Variants in NEGR1 observed in about 807,000 individuals in gnomAD.
NEGR1 encodes the protein neuronal growth regulator 1.
NEGR1 carries 10 observed loss-of-function variants against 40.9 expected under a neutral mutation model. The observed-to-expected ratio is 0.24, with a 90% CI of 0.15 to 0.42. The LOEUF is 0.42. Among genes scored for constraint, NEGR1 ranks in the 10% least tolerant of loss-of-function variants. NEGR1 has a pLI of 1.00. For synonymous variants in NEGR1, 185 were observed against 166.8 expected (o/e 1.11, Z -0.84); for missense variants, 352 against 438.9 (o/e 0.80, Z 1.77).
chr1:72,078,352 A>C (rs1647839295), intron 1 of NEGR1, among the ~76,000 whole-genome samples: 1 of 152,094 alleles, frequency 6.6e-6, no homozygotes, highest in Non-Finnish European at 1.5e-5. Flanking sequence ...CTGTCTTTCA[A>C]CCTTTTACCT....
At chr1:71,967,467 T>G (rs34355442) in intron 1 of NEGR1, among the ~76,000 whole-genome samples, 1 of 152,176 alleles carries the variant, frequency 6.6e-6, no homozygotes. Flanking sequence ...AGCTTGAATT[T>G]TAAAGAATAT....
intron 2 of NEGR1, among the ~76,000 whole-genome samples, chr1:71,777,238 G>T (rs2101719425): frequency 6.6e-6 from 1 of 152,164 alleles, no homozygotes; most frequent in South Asian, 2.1e-4. Flanking sequence ...ATTTATCTCA[G>T]CCTCAGTGTC....
At chr1:71,707,964 G>GC (rs1402991297) in intron 3 of NEGR1, among the ~76,000 whole-genome samples, 1 of 152,132 alleles carries the variant, frequency 6.6e-6, no homozygotes, top group Non-Finnish European at 1.5e-5. Context: ...TGCCCGTAAA[G>GC]CAGGAATAGC....
At chr1:71,476,187 T>G (rs1646819017) in intron 6 of NEGR1, among the ~76,000 whole-genome samples, 1 of 152,234 alleles carries the variant, frequency 6.6e-6, no homozygotes, top group South Asian at 2.1e-4. Context: ...AAAGAAAATA[T>G]GAGTTATCTG....
intron 3 of NEGR1, among the ~76,000 whole-genome samples, chr1:71,768,214 T>G (rs1656196526): frequency 1.3e-5 from 2 of 152,224 alleles, no homozygotes; most frequent in South Asian, 2.1e-4. Context: ...GCTTGTACCC[T>G]ACACCTGGAA....
rs565860149 is a variant in NEGR1 at position 72,020,545 on chromosome 1, G to GA, written c.177-85235dup. Among the ~76,000 whole-genome samples the GA allele has an allele frequency of 2.8e-4, 42 of 151,652 alleles. No individual in the cohort carries two copies. In the East Asian group the frequency reaches 6.0e-3, roughly 22 times the overall value. On this transcript the variant is annotated intron_variant, in intron 1 of 6. Coordinates refer to ENST00000357731, the MANE Select transcript of NEGR1 (RefSeq NM_173808.3). Reference sequence around the variant, plus strand: ...CAGATCAGCCTTATGCTATTTACAAGAAAAAAAACCTGAAATACAAGAACG... The same window carrying GA: ...CAGATCAGCCTTATGCTATTTACAAGAAAAAAAAACCTGAAATACAAGAACG...
rs554215269 is a variant in NEGR1, at chr1:72,055,417, G to A, written c.177-120106C>T. ...ATCTATCTGCACTGTGATTTACAAT[G>A]CTGCTTAACTTGATCTAGAATTTAC... On this transcript the variant is annotated intron_variant, in intron 1 of 6. Transcript: ENST00000357731. Among the ~76,000 whole-genome samples, 16 of 151,214 alleles carry A rather than the reference G, an allele frequency of 1.1e-4. No homozygotes were observed. The South Asian group carries it at 3.3e-3, about 31-fold the overall frequency.
chr1:71,793,257 TG>T, intron 2 of NEGR1, among the ~76,000 whole-genome samples: 1 of 142,926 alleles, frequency 7.0e-6, no homozygotes, highest in East Asian at 2.0e-4. Flanking sequence ...CTTGGCTCAC[TG>T]AAACCATATA....
chr1:72,241,619 G>A (rs376395897), intron 1 of NEGR1, among the ~76,000 whole-genome samples: 3 of 151,568 alleles, frequency 2.0e-5, no homozygotes, highest in Non-Finnish European at 3.0e-5. Context: ...GTTGTGTTGC[G>A]AAAGACCCTG....
chr1:71,998,885 G>C (rs1646529773), intron 1 of NEGR1, among the ~76,000 whole-genome samples: 1 of 151,698 alleles, frequency 6.6e-6, no homozygotes, highest in African/African-American at 2.4e-5. Flanking sequence ...ATATACTATA[G>C]ATACTGTATA....
At chr1:72,133,414 A>G (rs12082505) in intron 1 of NEGR1, among the ~76,000 whole-genome samples, 1,816 of 152,160 alleles carry the variant, frequency 0.012, 42 homozygotes, top group African/African-American at 0.042. Flanking sequence ...TTATGAAGGT[A>G]AGGAAAGGGA....
chr1:71,878,533 T>G (rs569576874), intron 2 of NEGR1, among the ~76,000 whole-genome samples: 4 of 152,240 alleles, frequency 2.6e-5, no homozygotes, highest in Non-Finnish European at 5.9e-5. Flanking sequence ...TATTTCATTT[T>G]ACTTTGAAAA....
chr1:72,037,482 A>T (rs895017052), intron 1 of NEGR1, among the ~76,000 whole-genome samples: 3 of 152,160 alleles, frequency 2.0e-5, no homozygotes, highest in African/African-American at 7.2e-5. Flanking sequence ...GCAATTAGAA[A>T]TTAGAGACAG....
chr1:72,177,887 G>C (rs1199173336), intron 1 of NEGR1, among the ~76,000 whole-genome samples: 1 of 151,748 alleles, frequency 6.6e-6, no homozygotes, highest in Admixed American at 6.6e-5. Flanking sequence ...GGCCAATAAG[G>C]TCTCCATTGA....
intron 4 of NEGR1, among the ~76,000 whole-genome samples, chr1:71,651,664 C>A (rs1199092664): frequency 6.6e-6 from 1 of 152,040 alleles, no homozygotes; most frequent in African/African-American, 2.4e-5. Context: ...TTTGTCATGG[C>A]ATTTATCATA....
intron 3 of NEGR1, among the ~76,000 whole-genome samples, chr1:71,753,988 G>A (rs1655650608): frequency 6.6e-6 from 1 of 152,136 alleles, no homozygotes; most frequent in East Asian, 1.9e-4. Context: ...CAGACACCTG[G>A]GGTGATGAAT....
Position 71,396,936 on chromosome 1 carries a change from T to G in NEGR1, c.*10510A>C, listed in dbSNP as rs1399305472. ...AGTGGAGTGCTGCTGAAAAGATACC[T>G]GAAAATGTGGAAGTGACTTTGGAAC... On this transcript the variant is annotated 3_prime_UTR_variant, in exon 7 of 7. Transcript: ENST00000357731. 2.6e-5 allele frequency: 4 copies of G among 154,380 alleles called. No individual in the cohort carries two copies. The highest frequency in any genetic ancestry group is 5.7e-5 in the Non-Finnish European group (4 of 69,872). 9.6% of individuals were successfully genotyped at this position (154,380 alleles called of 1,614,324 possible).
At chr1:71,852,732 G>C (rs1659643007) in intron 2 of NEGR1, among the ~76,000 whole-genome samples, 1 of 151,544 alleles carries the variant, frequency 6.6e-6, no homozygotes, top group Non-Finnish European at 1.5e-5. Context: ...GTGAACACAA[G>C]GTTTTTAGTA....
chr1:71,570,552 T>C (rs997243026), intron 6 of NEGR1, among the ~76,000 whole-genome samples: 1 of 152,172 alleles, frequency 6.6e-6, no homozygotes, highest in African/African-American at 2.4e-5. Context: ...ACTTTTCTTA[T>C]TTGTTAATGC....
Sources: allele counts gnomAD v4.1 joint callset (sites outside exome capture counted in the v4.1 genomes callset), GRCh38; gene constraint gnomAD v4.1.1; transcripts MANE v1.5; gene names NCBI Gene and HGNC (gene_info 2026-07-23, HGNC 2026-07-21).